Variants in USP50 observed in about 807,000 individuals in gnomAD.
USP50 encodes the protein ubiquitin specific peptidase 50.
In USP50, 37 loss-of-function variants were observed where a neutral mutation model predicts 39.2. The observed-to-expected ratio is 0.94, with a 90% CI of 0.73 to 1.24. The LOEUF (loss-of-function observed/expected upper bound fraction) is 1.24. Among genes scored for constraint, USP50 ranks in the 50% most tolerant of loss-of-function variants. The pLI, the probability that USP50 is intolerant of heterozygous loss-of-function variation, is 0.00. For missense variants in USP50, 374 were observed against 398.2 expected (o/e 0.94, Z 0.52); for synonymous variants, 139 against 144.5 (o/e 0.96, Z 0.27).
At chr15:50,501,047 A>G (rs533195717) in intron 6 of USP50, 6 of 502,302 alleles carry the variant, frequency 1.2e-5, no homozygotes, top group South Asian at 7.2e-5. Flanking sequence ...CCCATTGACT[A>G]TCATCTGTGA....
chr15:50,519,242 A>AC (rs1306642333), intron 6 of USP50, among the ~76,000 whole-genome samples: 3 of 152,248 alleles, frequency 2.0e-5, no homozygotes, highest in East Asian at 3.9e-4. Context: ...AGCTGAGATC[A>AC]CATGACTGCA....
At chr15:50,525,702 TATATG>T (rs1164193346) in intron 6 of USP50, among the ~76,000 whole-genome samples, 59 of 89,048 alleles carry the variant, frequency 6.6e-4, no homozygotes, top group Middle Eastern at 6.4e-3. Flanking sequence ...TATATGTATA[TATATG>T]TATATATGTA....
At chr15:50,504,369 C>G (rs2052629229) in intron 6 of USP50, 2 of 152,078 alleles carry the variant, frequency 1.3e-5, no homozygotes, top group African/African-American at 4.8e-5. Flanking sequence ...ACACAAAATA[C>G]AAAAATTGAC....
At chr15:50,509,749 T>C (rs2052714451) in intron 6 of USP50, 1 of 152,140 alleles carries the variant, frequency 6.6e-6, no homozygotes, top group African/African-American at 2.4e-5. Flanking sequence ...ATAAATTTAT[T>C]GTTAATACCC....
rs748233644 is a variant in USP50 at position 50,500,785 on chromosome 15, G to C, written c.989C>G (p.Ser330Ter). The part of the protein sequence containing the change: ...GGHYTAFCKN[S>*]VTQA Reference sequence around the variant, plus strand: ...AAAGCTATATCAGGCCTGGGTGACTGAATTCTTGCAGAAAGCAGTGTAGTG... The same window carrying C: ...AAAGCTATATCAGGCCTGGGTGACTCAATTCTTGCAGAAAGCAGTGTAGTG... Residue 330 changes from serine (S) to a stop codon, truncating the protein, a stop_gained, in exon 7 of 7, where the codon TCA becomes TGA. Transcript: ENST00000532404. LOFTEE classifies it high-confidence loss of function. The C allele has an allele frequency of 4.4e-6, 7 of 1,589,954 alleles. No homozygotes were observed. Among genetic ancestry groups the C allele is most frequent in the African/African-American group, 1.3e-5 (1 of 74,592 alleles).
chr15:50,493,858 A>T (rs1426689195), downstream of USP50: 1 of 704,490 alleles, frequency 1.4e-6, no homozygotes, highest in Non-Finnish European at 2.6e-6. Flanking sequence ...TGAGGAGACC[A>T]TGCAGGGCTT....
chr15:50,529,080 G>C lies in USP50; in HGVS notation c.936+717C>G, dbSNP rs569388032. 5.9e-5 allele frequency among the ~76,000 whole-genome samples: 9 copies of C among 152,172 alleles called. No homozygotes were observed. The East Asian group carries it at 1.7e-3, about 29-fold the overall frequency. On this transcript the variant is annotated intron_variant, in intron 6 of 6. Transcript: ENST00000532404. ...TTCTTTCCTTCAGGAAATCTTTATT[G>C]ATCATAGTCGACTTAGAACCATAGG...
chr15:50,505,461 A>G (rs2052645934), intron 6 of USP50: 1 of 152,228 alleles, frequency 6.6e-6, no homozygotes, highest in Non-Finnish European at 1.5e-5. Flanking sequence ...AGACTTCTCA[A>G]AGACTGAGAG....
intron 3 of USP50, among the ~76,000 whole-genome samples, chr15:50,542,672 A>G (rs562093918): frequency 5.1e-4 from 77 of 151,860 alleles, no homozygotes; most frequent in Middle Eastern, 6.8e-3. Flanking sequence ...TATTTTTAGT[A>G]GAGACGGGGT....
At chr15:50,519,710 G>A (rs116657510) in intron 6 of USP50, among the ~76,000 whole-genome samples, 4 of 149,114 alleles carry the variant, frequency 2.7e-5, no homozygotes, top group South Asian at 2.2e-4. Flanking sequence ...GCGAGACTCC[G>A]TCTCTTAAAA....
chr15:50,499,178 G>A (rs931510818), downstream of USP50: 1 of 1,315,434 alleles, frequency 7.6e-7, no homozygotes, highest in Non-Finnish European at 1.0e-6. Context: ...GCTATAGCTG[G>A]CCATTTAGAG....
downstream of USP50, chr15:50,499,400 C>G (rs201720694): frequency 1.0e-5 from 2 of 193,232 alleles, no homozygotes; most frequent in Non-Finnish European, 2.1e-5. Context: ...TTTTTTTTTC[C>G]TTTTCACTGT....
chr15:50,538,397 G>A (rs2053000916), intron 5 of USP50, among the ~76,000 whole-genome samples: 3 of 151,952 alleles, frequency 2.0e-5, no homozygotes, highest in Non-Finnish European at 4.4e-5. Flanking sequence ...CCAGGGACTA[G>A]GGGGAGCAGG....
At chr15:50,525,580 AT>A (rs2052885140) in intron 6 of USP50, among the ~76,000 whole-genome samples, 2 of 114,982 alleles carry the variant, frequency 1.7e-5, no homozygotes, top group South Asian at 5.6e-4. Context: ...ATGTATATGT[AT>A]ATATGTATAT....
At chr15:50,495,187 C>CAGAT (rs1458517826) in intron 1 of USP50, among the ~76,000 whole-genome samples, 2 of 150,184 alleles carry the variant, frequency 1.3e-5, no homozygotes, top group African/African-American at 4.9e-5. Flanking sequence ...AACCACTGAA[C>CAGAT]AGATATATAT....
chr15:50,494,323 T>C lies in USP50; in HGVS notation n.185-193A>G, dbSNP rs781110526. On this transcript the variant is annotated intron_variant and non_coding_transcript_variant, in intron 1 of 1. Coordinates refer to the USP50 transcript ENST00000560159. ...TCTAAGTTGCAGAGACTCTTTAGGG[T>C]TGCTCAGTAGCACTGTATTTTTATA... The C allele has an allele frequency of 4.6e-6, 7 of 1,533,754 alleles. No individual in the cohort carries two copies. The Admixed American group carries it at 1.0e-4, about 22-fold the overall frequency.
In USP50 at chr15:50,538,573, C is replaced by T. The variant is rs2053002054; in HGVS notation, c.803+136G>A. ...GTGTTATGCTGTATATATTTTATCA[C>T]AATTTAAAAACAATAATGTAATATA... is the stretch of plus-strand genomic sequence containing the variant. On this transcript the variant is annotated intron_variant, in intron 5 of 6. Coordinates refer to ENST00000532404, the MANE Select transcript of USP50 (RefSeq NM_203494.5). 1.1e-5 allele frequency: 11 copies of T among 999,264 alleles called. No homozygotes were observed. The East Asian group carries it at 2.5e-4, about 23-fold the overall frequency. The allele number at this position is 999,264 out of a possible 1,614,324, so 61.9% of individuals were successfully genotyped here. A position where few individuals can be genotyped will look rare whatever the true frequency, so the allele number is the denominator to read the frequency against.
intron 6 of USP50, among the ~76,000 whole-genome samples, chr15:50,515,652 G>A (rs1406253769): frequency 6.8e-6 from 1 of 147,572 alleles, no homozygotes; most frequent in African/African-American, 2.5e-5. Context: ...ATATATATGT[G>A]TATATATATA....
At chr15:50,497,765 TTCACATAA>T (rs928475181), downstream of USP50, 7 of 152,210 alleles carry the variant, frequency 4.6e-5, no homozygotes, top group African/African-American at 9.6e-5. Context: ...TTCTTTGGTC[TTCACATAA>T]TCACATAATC....
Sources: allele counts gnomAD v4.1 joint callset (sites outside exome capture counted in the v4.1 genomes callset), GRCh38; gene constraint gnomAD v4.1.1; transcripts MANE v1.5; gene names NCBI Gene and HGNC (gene_info 2026-07-23, HGNC 2026-07-21).